ENO4: variants seen among roughly 807,000 people sequenced by gnomAD.
ENO4 encodes the protein enolase 4, also known as 2-phospho-D-glycerate hydro-lyase.
Under a neutral mutation model 63.2 loss-of-function variants are expected in ENO4, and 53 were observed. The observed-to-expected ratio is 0.84, with a 90% CI of 0.67 to 1.05. The LOEUF is 1.05. Among genes scored for constraint, ENO4 ranks in the 50% least tolerant of loss-of-function variants. ENO4 has a pLI of 0.00. For missense variants in ENO4, 719 were observed against 772.0 expected (o/e 0.93, Z 0.81); for synonymous variants, 266 against 283.8 (o/e 0.94, Z 0.63).
chr10:116,888,906 A>C (rs1847247712), intron 10 of ENO4, among the ~76,000 whole-genome samples: 1 of 152,260 alleles, frequency 6.6e-6, no homozygotes, highest in East Asian at 1.9e-4. Context: ...TAGGAAATAA[A>C]GCTGCAGCCC....
chr10:116,871,468 AATAAC>A (rs1466194060), intron 9 of ENO4, among the ~76,000 whole-genome samples, 176 bp downstream of exon 9: 1 of 152,252 alleles, frequency 6.6e-6, no homozygotes, highest in East Asian at 1.9e-4. Context: ...ATGACCACAG[AATAAC>A]ATAACCATAA....
chr10:116,889,223 T>A (rs537523879), intron 10 of ENO4, among the ~76,000 whole-genome samples: 26 of 152,274 alleles, frequency 1.7e-4, no homozygotes, highest in Non-Finnish European at 3.7e-4. Context: ...CAGGAAGTGC[T>A]CTCTGGGCTC....
chr10:116,861,224 A>T (rs1202770788), intron 6 of ENO4, 34 bp downstream of exon 6: 1 of 191,614 alleles, frequency 5.2e-6, no homozygotes, highest in Non-Finnish European at 7.4e-6. Context: ...CCTTTTCTAA[A>T]AAAAAAAAAA....
At chr10:116,854,940 CAAAAAAAAAAA>C (rs71013620) in intron 1 of ENO4, among the ~76,000 whole-genome samples, 10 of 41,518 alleles carry the variant, frequency 2.4e-4, no homozygotes, top group African/African-American at 6.1e-4. Flanking sequence ...GACCCTGTCT[CAAAAAAAAAAA>C]AAAAAAAAAA....
intron 10 of ENO4, chr10:116,901,733 T>A: frequency 6.5e-7 from 1 of 1,537,364 alleles, no homozygotes; most frequent in African/African-American, 1.4e-5. Flanking sequence ...GATTCTTCTA[T>A]ACACCACTTA....
chr10:116,852,371 C>G (rs927459886), intron 1 of ENO4, among the ~76,000 whole-genome samples: 1 of 152,194 alleles, frequency 6.6e-6, no homozygotes, highest in Non-Finnish European at 1.5e-5. Context: ...TAGGCAATAA[C>G]AATACAATTT....
intron 10 of ENO4, among the ~76,000 whole-genome samples, chr10:116,907,205 G>C (rs1048078516): frequency 6.6e-6 from 1 of 152,178 alleles, no homozygotes; most frequent in Non-Finnish European, 1.5e-5. Context: ...GGGTGACCCT[G>C]GCTGCACACC....
rs186457119 is a variant in ENO4 at position 116,878,765 on chromosome 10, C to T, written c.1538-526C>T. Among the ~76,000 whole-genome samples the T allele has an allele frequency of 6.8e-3, 424 of 62,594 alleles. 4 individuals carry two copies. The East Asian group carries it at 0.1, about 15-fold the overall frequency. 41.1% of individuals were successfully genotyped at this position (62,594 alleles called of 152,430 possible). Reference sequence around the variant, plus strand: ...ATCTTTTTTTTTTTTTTTTTTGAGACGGAGTCTTGCTCTGTCGCCCAGAGC... The same window carrying T: ...ATCTTTTTTTTTTTTTTTTTTGAGATGGAGTCTTGCTCTGTCGCCCAGAGC... On this transcript the variant is annotated intron_variant, in intron 11 of 13. Transcript: ENST00000341276.
intron 12 of ENO4, 149 bp from the exon 13 acceptor site, chr10:116,879,720 A>G: frequency 1.5e-6 from 1 of 651,898 alleles, no homozygotes; most frequent in Admixed American, 3.1e-5. Flanking sequence ...CTCAGCTTGT[A>G]GGCCACTGTG....
chr10:116,904,681 A>G (rs1248459962), intron 10 of ENO4, among the ~76,000 whole-genome samples: 1 of 152,188 alleles, frequency 6.6e-6, no homozygotes. Flanking sequence ...TGTTCATGAA[A>G]TGTGTTCCTT....
chr10:116,901,308 T>C, intron 10 of ENO4: 1 of 985,366 alleles, frequency 1.0e-6, no homozygotes, highest in Non-Finnish European at 1.2e-6. Context: ...GTTTTCATTT[T>C]CAGGATAGAG....
intron 6 of ENO4, among the ~76,000 whole-genome samples, chr10:116,862,446 G>C (rs985907740): frequency 1.3e-5 from 2 of 151,488 alleles, no homozygotes; most frequent in Non-Finnish European, 2.9e-5. Context: ...GGGCAACAGA[G>C]TGAAACTCCA....
At chr10:116,874,496 G>A in intron 10 of ENO4, among the ~76,000 whole-genome samples, 1 of 152,094 alleles carries the variant, frequency 6.6e-6, no homozygotes, top group East Asian at 1.9e-4. Context: ...AGCCCTTCAG[G>A]AGTACCTGTA....
chr10:116,903,774 C>A (rs1255210456), intron 10 of ENO4, among the ~76,000 whole-genome samples: 1 of 152,132 alleles, frequency 6.6e-6, no homozygotes, highest in Non-Finnish European at 1.5e-5. Flanking sequence ...TCTGAATACA[C>A]CAACACATTT....
chr10:116,849,897 G>A, intron 1 of ENO4, 166 bp downstream of exon 1: 2 of 818,272 alleles, frequency 2.4e-6, no homozygotes, highest in Non-Finnish European at 4.1e-6. Flanking sequence ...GGAGCGGGAA[G>A]GACACCCAGG....
In ENO4 at chr10:116,849,540, C is replaced by T. The variant is rs1008561953; in HGVS notation, c.-27C>T. The T allele has an allele frequency of 1.2e-5, 18 of 1,494,378 alleles. No homozygotes were observed. Among genetic ancestry groups the T allele is most frequent in the Non-Finnish European group, 1.6e-5 (18 of 1,118,894 alleles). 92.6% of individuals were successfully genotyped at this position (1,494,378 alleles called of 1,614,324 possible). ...GACGCTCGTGGGACCCCAGGCTAAACCCCGCTGTAGCCTTAAATCTCCTAC... is the reference window on the plus strand; with the variant it reads ...GACGCTCGTGGGACCCCAGGCTAAATCCCGCTGTAGCCTTAAATCTCCTAC... On this transcript the variant is annotated 5_prime_UTR_variant, in exon 1 of 14. Coordinates refer to ENST00000341276, the MANE Select transcript of ENO4 (RefSeq NM_001242699.2).
intron 10 of ENO4, among the ~76,000 whole-genome samples, chr10:116,898,255 G>A (rs1437795450): frequency 6.6e-6 from 1 of 151,938 alleles, no homozygotes; most frequent in East Asian, 1.9e-4. Flanking sequence ...TTGAACTTGG[G>A]TGGCGGAGGT....
chr10:116,890,106 T>C (rs1331809178), intron 10 of ENO4, among the ~76,000 whole-genome samples: 3 of 152,138 alleles, frequency 2.0e-5, no homozygotes, highest in Non-Finnish European at 4.4e-5. Flanking sequence ...AAGGTAGAAA[T>C]CCCAGAAGCT....
Position 116,871,184 on chromosome 10 carries a change from A to T in ENO4, c.1107A>T (p.Ile369=). 1 of 1,550,512 alleles carries T rather than the reference A, an allele frequency of 6.4e-7. No individual in the cohort carries two copies. The highest frequency in any genetic ancestry group is 8.7e-7 in the Non-Finnish European group (1 of 1,146,930). ...GTTTAACCATTAACTGTGACTCCAT[A>T]GAACAGCCACTGCTTCTAATACAGG... ...LGCLTINCDS[I]EQPLLLIQEI... Residue 369 remains isoleucine (I), a synonymous_variant, in exon 9 of 14, where the codon ATA becomes ATT. Transcript: ENST00000341276.
Sources: gnomAD v4.1 joint callset for allele counts (sites outside exome capture counted in the v4.1 genomes callset) on GRCh38, gnomAD v4.1.1 for gene constraint, MANE v1.5 for transcripts, NCBI Gene and HGNC (gene_info 2026-07-23, HGNC 2026-07-21) for gene names.